The following LRFN4 variants were observed in gnomAD, a reference collection of about 807,000 sequenced individuals.
The protein encoded by LRFN4 is leucine-rich repeat and fibronectin type-III domain-containing protein 4.
A neutral mutation model predicts 29.0 loss-of-function variants in LRFN4; 10 were observed. That is an observed-to-expected ratio of 0.35 (90% confidence interval 0.21 to 0.59). The LOEUF is 0.59. Among genes scored for constraint, LRFN4 ranks in the 20% least tolerant of loss-of-function variants. LRFN4 has a pLI of 0.82. For synonymous variants in LRFN4, 493 were observed against 437.0 expected (o/e 1.13, Z -1.60); for missense variants, 850 against 907.9 (o/e 0.94, Z 0.82).
rs1433372561 is a variant in LRFN4 at position 66,860,040 on chromosome 11, T to C, written c.1753T>C (p.Ser585Pro). The change falls in exon 2 of 2, where the codon TCT (serine) becomes CCT (proline). Residue 585 changes from serine to proline, a missense_variant. Ser to Pro is a moderately conservative substitution (Grantham distance 74, BLOSUM62 -1). Transcript: ENST00000309602. ...SPPPRPQRSC[S>P]LDLGDAGCYG... ...CCCGCCCCGGCCGCAGCGCAGCTGC[T>C]CTCTGGACCTGGGAGATGCCGGGTG... 1 of 1,579,174 alleles carries C rather than the reference T, an allele frequency of 6.3e-7. No homozygotes were observed. The highest frequency in any genetic ancestry group is 8.6e-7 in the Non-Finnish European group (1 of 1,163,638).
chr11:66,858,032 G>C lies in LRFN4; in HGVS notation c.288G>C (p.Glu96Asp), dbSNP rs771101835. The C allele has an allele frequency of 9.1e-5, 146 of 1,611,712 alleles. No individual in the cohort carries two copies. Among genetic ancestry groups the C allele is most frequent in the Non-Finnish European group, 1.2e-4 (143 of 1,179,874 alleles). The change falls in exon 1 of 2, where the codon GAG (glutamate) becomes GAC (aspartate). Residue 96 changes from glutamate (E) to aspartate (D), a missense_variant. Physicochemically the swap from Glu to Asp is conservative, Grantham distance 45. Around this residue, in one of 2 missense-constraint regions of LRFN4, gnomAD observed 106 missense variants for 154.2 expected, o/e 0.69. Transcript: ENST00000309602. This position sits in a 1 kb window ranked among gnomAD's most constrained non-coding sequence, Gnocchi z 5.9. The part of the protein sequence containing the change: ...RIGARAFGDL[E>D]SLRSLHLDGN... The stretch of plus-strand genomic sequence containing the variant: ...GGGCCCGCGCCTTTGGGGACCTCGA[G>C]AGCCTGCGTTCCCTCCACCTTGACG...
rs1429744091 is a variant in LRFN4, at chr11:66,860,403, A to AC, written c.*210dup. On this transcript the variant is annotated 3_prime_UTR_variant, in exon 2 of 2. Coordinates refer to ENST00000309602, the MANE Select transcript of LRFN4 (RefSeq NM_024036.5). ...GCCCCTCCAACAGGTGCTCACAGCC[A>AC]CCGAGGCAGGGGCTGCAGCCACCCA... The AC allele has an allele frequency of 4.0e-6, 3 of 752,912 alleles. No individual in the cohort carries two copies. Among genetic ancestry groups the AC allele is most frequent in the African/African-American group, 3.4e-5 (2 of 58,242 alleles). The allele number at this position is 752,912 out of a possible 1,614,324, so 46.6% of individuals were successfully genotyped here.
intron 1 of LRFN4, 108 bp from the exon 2 acceptor site, chr11:66,859,529 G>C: frequency 6.5e-7 from 1 of 1,546,526 alleles, no homozygotes; most frequent in Non-Finnish European, 8.7e-7. Context: ...CCAAGAGCCC[G>C]AGTGGCCCCA....
In LRFN4 at chr11:66,858,520, C is replaced by T. The variant is rs1291704999; in HGVS notation, c.776C>T (p.Ser259Phe). ...CCGGACGACCTGGAAACGTGCGCCTCCCCGCCCGGCCTGGCCGGCCGCTAC... is the reference window on the plus strand; with the variant it reads ...CCGGACGACCTGGAAACGTGCGCCTTCCCGCCCGGCCTGGCCGGCCGCTAC... The part of the protein sequence containing the change: ...ARPDDLETCA[S>F]PPGLAGRYFW... The change falls in exon 1 of 2, where the codon TCC (serine) becomes TTC (phenylalanine). Residue 259 changes from serine (S) to phenylalanine (F), a missense_variant. This residue lies in a region of LRFN4 where 744 missense variants were observed against 753.8 expected (regional missense o/e 0.99). Coordinates refer to ENST00000309602, the MANE Select transcript of LRFN4 (RefSeq NM_024036.5). The surrounding 1 kb of genome is among the most constrained non-coding windows in gnomAD (Gnocchi z 5.9). 1 of 1,534,434 alleles carries T rather than the reference C, an allele frequency of 6.5e-7. No individual in the cohort carries two copies. Among genetic ancestry groups the T allele is most frequent in the African/African-American group, 1.4e-5 (1 of 73,098 alleles).
chr11:66,858,195 G>C lies in LRFN4; in HGVS notation c.451G>C (p.Asp151His). 1 of 1,612,272 alleles carries C rather than the reference G, an allele frequency of 6.2e-7. No homozygotes were observed. Among genetic ancestry groups the C allele is most frequent in the Non-Finnish European group, 8.5e-7 (1 of 1,179,756 alleles). ...DDFLESLEDL[D>H]LSYNNLRQVP... ...CTTCCTAGAGAGCCTGGAGGACCTGGACCTGTCCTACAACAACCTCCGGCA... is the reference window on the plus strand; with the variant it reads ...CTTCCTAGAGAGCCTGGAGGACCTGCACCTGTCCTACAACAACCTCCGGCA... Residue 151 changes from aspartate (D) to histidine (H), a missense_variant, in exon 1 of 2, where the codon GAC becomes CAC. Asp to His is a moderately conservative substitution (Grantham distance 81, BLOSUM62 -1). Around this residue, in one of 2 missense-constraint regions of LRFN4, gnomAD observed 744 missense variants for 753.8 expected, o/e 0.99. Transcript: ENST00000309602. This position sits in a 1 kb window ranked among gnomAD's most constrained non-coding sequence, Gnocchi z 5.9.
Position 66,860,035 on chromosome 11 carries a change from G to T in LRFN4, c.1748G>T (p.Ser583Ile), listed in dbSNP as rs775208596. 2.2e-5 allele frequency: 35 copies of T among 1,581,468 alleles called. No homozygotes were observed. Among genetic ancestry groups the T allele is most frequent in the African/African-American group, 1.3e-5 (1 of 74,104 alleles). ...PRSPPPRPQR[S>I]CSLDLGDAGC... Reference sequence around the variant, plus strand: ...AGCCCCCCGCCCCGGCCGCAGCGCAGCTGCTCTCTGGACCTGGGAGATGCC... The same window carrying T: ...AGCCCCCCGCCCCGGCCGCAGCGCATCTGCTCTCTGGACCTGGGAGATGCC... The change falls in exon 2 of 2, where the codon AGC becomes ATC. Residue 583 changes from serine (S) to isoleucine (I), a missense_variant. Around this residue, in one of 2 missense-constraint regions of LRFN4, gnomAD observed 744 missense variants for 753.8 expected, o/e 0.99. Transcript: ENST00000309602.
chr11:66,858,951 C>G lies in LRFN4; in HGVS notation c.1207C>G (p.Leu403Val), dbSNP rs2135870049. The change falls in exon 1 of 2, where the codon CTG (leucine) becomes GTG (valine). Residue 403 changes from leucine to valine, a missense_variant. Transcript: ENST00000309602. The surrounding 1 kb of genome is among the most constrained non-coding windows in gnomAD (Gnocchi z 5.9). The part of the protein sequence containing the change: ...ARTAAEGEGT[L>V]ESEPAVQVTE... ...CACTGCTGCCGAGGGTGAGGGGACG[C>G]TGGAGTCTGAGCCAGCCGTGCAGGT... 6.3e-7 allele frequency: 1 copy of G among 1,578,004 alleles called. No individual in the cohort carries two copies. The highest frequency in any genetic ancestry group is 2.3e-5 in the East Asian group (1 of 44,092).
In LRFN4 at chr11:66,860,452, A is replaced by G. The variant is rs1202657137; in HGVS notation, c.*257A>G. 1.4e-6 allele frequency: 1 copy of G among 704,728 alleles called. No individual in the cohort carries two copies. The allele number at this position is 704,728 out of a possible 1,614,324, so 43.7% of individuals were successfully genotyped here. A position where few individuals can be genotyped will look rare whatever the true frequency, so the allele number is the denominator to read the frequency against. On this transcript the variant is annotated 3_prime_UTR_variant, in exon 2 of 2. Coordinates refer to ENST00000309602, the MANE Select transcript of LRFN4 (RefSeq NM_024036.5). ...CACTGGGAGTCTTGTTTTTATTTAT[A>G]ATAAAATTGTTGGGGACACCTCAGT...
At position 66,857,786 on chromosome 11, in the gene LRFN4, G is replaced by C. The variant is rs1488026356; in HGVS notation, c.42G>C (p.Ala14=). 6.3e-7 allele frequency: 1 copy of C among 1,597,034 alleles called. No individual in the cohort carries two copies. Among genetic ancestry groups the C allele is most frequent in the Non-Finnish European group, 8.5e-7 (1 of 1,178,198 alleles). The part of the protein sequence containing the change: ...PLLLLLLASG[A]AACPLPCVCQ... ...TGCTGCTGCTGCTGGCCAGTGGAGC[G>C]GCCGCCTGCCCGCTGCCCTGCGTCT... The change falls in exon 1 of 2, where the codon GCG becomes GCC. Residue 14 remains alanine, a synonymous_variant. Coordinates refer to ENST00000309602, the MANE Select transcript of LRFN4 (RefSeq NM_024036.5). This position sits in a 1 kb window ranked among gnomAD's most constrained non-coding sequence, Gnocchi z 7.1.
chr11:66,857,100 C>T lies in LRFN4; in HGVS notation c.-645C>T, dbSNP rs1945901075. ...CCCGCTCGCCTGTCGCCGCCGCCACCGCTAACCGCGCCGGGAAAAGGTGCC... is the reference window on the plus strand; with the variant it reads ...CCCGCTCGCCTGTCGCCGCCGCCACTGCTAACCGCGCCGGGAAAAGGTGCC... On this transcript the variant is annotated 5_prime_UTR_variant, in exon 1 of 2. Transcript: ENST00000309602. The surrounding 1 kb of genome is among the most constrained non-coding windows in gnomAD (Gnocchi z 7.1). 6.8e-6 allele frequency: 1 copy of T among 147,762 alleles called. No individual in the cohort carries two copies. Among genetic ancestry groups the T allele is most frequent in the African/African-American group, 2.4e-5 (1 of 41,076 alleles). 9.2% of individuals were successfully genotyped at this position (147,762 alleles called of 1,614,324 possible). A position where few individuals can be genotyped will look rare whatever the true frequency, so the allele number is the denominator to read the frequency against.
Position 66,857,679 on chromosome 11 carries a change from C to A in LRFN4, c.-66C>A. 1 of 1,509,058 alleles carries A rather than the reference C, an allele frequency of 6.6e-7. No individual in the cohort carries two copies. The highest frequency in any genetic ancestry group is 2.3e-5 in the East Asian group (1 of 42,916). The allele number at this position is 1,509,058 out of a possible 1,614,324, so 93.5% of individuals were successfully genotyped here. A position where few individuals can be genotyped will look rare whatever the true frequency, so the allele number is the denominator to read the frequency against. ...CTGGCTTCTGGGACTGTCCTGGGCC[C>A]AAGTGGGCACCTGCGCCAGCCCCAC... On this transcript the variant is annotated 5_prime_UTR_variant, in exon 1 of 2. Transcript: ENST00000309602. This position sits in a 1 kb window ranked among gnomAD's most constrained non-coding sequence, Gnocchi z 7.1.
chr11:66,858,297 C>T lies in LRFN4; in HGVS notation c.553C>T (p.Pro185Ser), dbSNP rs754040485. ...NLDHNLIDAL[P>S]PGAFAQLGQL... The stretch of plus-strand genomic sequence containing the variant: ...GGACCATAACCTTATTGACGCACTG[C>T]CCCCAGGCGCCTTCGCCCAGCTCGG... Residue 185 changes from proline (P) to serine (S), a missense_variant, in exon 1 of 2, where the codon CCC (proline) becomes TCC (serine). Around this residue, in one of 2 missense-constraint regions of LRFN4, gnomAD observed 744 missense variants for 753.8 expected, o/e 0.99. Transcript: ENST00000309602. This position sits in a 1 kb window ranked among gnomAD's most constrained non-coding sequence, Gnocchi z 5.9. 25 of 1,610,864 alleles carry T rather than the reference C, an allele frequency of 1.6e-5. No individual in the cohort carries two copies. The highest frequency in any genetic ancestry group is 2.1e-5 in the Non-Finnish European group (25 of 1,179,854).
rs1196026942 is a variant in LRFN4, at chr11:66,860,234, T to G, written c.*39T>G. 1.3e-6 allele frequency: 2 copies of G among 1,539,056 alleles called. No homozygotes were observed. The highest frequency in any genetic ancestry group is 1.7e-6 in the Non-Finnish European group (2 of 1,146,956). On this transcript the variant is annotated 3_prime_UTR_variant, in exon 2 of 2. Coordinates refer to ENST00000309602, the MANE Select transcript of LRFN4 (RefSeq NM_024036.5). ...TCCTGTGTGCTCCAAGGGATGAGCC[T>G]CGTGGGGCAGAGGGCCCGGGGCCGC...
rs1348271221 is a variant in LRFN4 at position 66,860,125 on chromosome 11, G to A, written c.1838G>A (p.Gly613Glu). 2 of 1,550,678 alleles carry A rather than the reference G, an allele frequency of 1.3e-6. No homozygotes were observed. The highest frequency in any genetic ancestry group is 1.7e-6 in the Non-Finnish European group (2 of 1,147,652). ...AWARRSHSVH[G>E]GLLGAGCRGV... ...GCCCGACGGAGCCACTCTGTGCATG[G>A]GGGGCTGCTCGGGGCAGGGTGCCGG... Residue 613 changes from glycine (G) to glutamate (E), a missense_variant, in exon 2 of 2, where the codon GGG becomes GAG. Transcript: ENST00000309602.
At position 66,858,285 on chromosome 11, in the gene LRFN4, A is replaced by G; in HGVS notation, c.541A>G (p.Ile181Val). Residue 181 changes from isoleucine to valine, a missense_variant, in exon 1 of 2, where the codon ATT becomes GTT. Around this residue, in one of 2 missense-constraint regions of LRFN4, gnomAD observed 744 missense variants for 753.8 expected, o/e 0.99. Transcript: ENST00000309602. The surrounding 1 kb of genome is among the most constrained non-coding windows in gnomAD (Gnocchi z 5.9). Reference sequence around the variant, plus strand: ...CACCCTCAACCTGGACCATAACCTTATTGACGCACTGCCCCCAGGCGCCTT... The same window carrying G: ...CACCCTCAACCTGGACCATAACCTTGTTGACGCACTGCCCCCAGGCGCCTT... The part of the protein sequence containing the change: ...LHTLNLDHNL[I>V]DALPPGAFAQ... The G allele has an allele frequency of 6.2e-7, 1 of 1,611,702 alleles. No homozygotes were observed. Among genetic ancestry groups the G allele is most frequent in the Admixed American group, 1.7e-5 (1 of 60,014 alleles).
Position 66,858,466 on chromosome 11 carries a change from A to G in LRFN4, c.722A>G (p.Glu241Gly). 1 of 1,549,488 alleles carries G rather than the reference A, an allele frequency of 6.5e-7. No homozygotes were observed. Among genetic ancestry groups the G allele is most frequent in the Non-Finnish European group, 8.7e-7 (1 of 1,153,972 alleles). Residue 241 changes from glutamate to glycine, a missense_variant, in exon 1 of 2, where the codon GAG (glutamate) becomes GGG (glycine). Physicochemically the swap from Glu to Gly is moderately conservative, Grantham distance 98. Around this residue, in one of 2 missense-constraint regions of LRFN4, gnomAD observed 744 missense variants for 753.8 expected, o/e 0.99. Transcript: ENST00000309602. This position sits in a 1 kb window ranked among gnomAD's most constrained non-coding sequence, Gnocchi z 5.9. The part of the protein sequence containing the change: ...FSGNPLHCNC[E>G]LLWLRRLARP... ...GGGAACCCCCTGCACTGCAACTGTGAGCTGCTGTGGCTGCGGCGGCTGGCG... is the reference window on the plus strand; with the variant it reads ...GGGAACCCCCTGCACTGCAACTGTGGGCTGCTGTGGCTGCGGCGGCTGGCG...
chr11:66,857,632 C>A lies in LRFN4; in HGVS notation c.-113C>A. The A allele has an allele frequency of 4.0e-6, 5 of 1,252,932 alleles. No individual in the cohort carries two copies. The highest frequency in any genetic ancestry group is 5.4e-6 in the Non-Finnish European group (5 of 930,790). 77.6% of individuals were successfully genotyped at this position (1,252,932 alleles called of 1,614,324 possible). On this transcript the variant is annotated 5_prime_UTR_variant, in exon 1 of 2. Transcript: ENST00000309602. The surrounding 1 kb of genome is among the most constrained non-coding windows in gnomAD (Gnocchi z 7.1). Reference sequence around the variant, plus strand: ...CTCTTGGGCCTCTGACCCAGCCCCTCCCCGGGCCAGGCTCACAGAAGCTGG... The same window carrying A: ...CTCTTGGGCCTCTGACCCAGCCCCTACCCGGGCCAGGCTCACAGAAGCTGG...
In LRFN4 at chr11:66,859,086, A is replaced by G. The variant is rs144355365; in HGVS notation, c.1342A>G (p.Ile448Val). The part of the protein sequence containing the change: ...QYNSSEDETL[I>V]YRIVPASSHH... The stretch of plus-strand genomic sequence containing the variant: ...CAACAGCAGCGAAGATGAGACCCTC[A>G]TCTACCGGTGAGGATGCGTGCCCCA... The change falls in exon 1 of 2, where the codon ATC (isoleucine) becomes GTC (valine). Residue 448 changes from isoleucine (I) to valine (V), a missense_variant. Physicochemically the swap from Ile to Val is conservative, Grantham distance 29 (BLOSUM62 3). Transcript: ENST00000309602. The G allele has an allele frequency of 9.4e-6, 14 of 1,486,892 alleles. No homozygotes were observed. The highest frequency in any genetic ancestry group is 7.2e-5 in the African/African-American group (5 of 69,902). The allele number at this position is 1,486,892 out of a possible 1,614,324, so 92.1% of individuals were successfully genotyped here.
chr11:66,857,682 G>C lies in LRFN4; in HGVS notation c.-63G>C. 2.6e-6 allele frequency: 4 copies of C among 1,512,738 alleles called. No individual in the cohort carries two copies. The highest frequency in any genetic ancestry group is 2.7e-6 in the Non-Finnish European group (3 of 1,131,096). 93.7% of individuals were successfully genotyped at this position (1,512,738 alleles called of 1,614,324 possible). On this transcript the variant is annotated 5_prime_UTR_variant, in exon 1 of 2. Coordinates refer to ENST00000309602, the MANE Select transcript of LRFN4 (RefSeq NM_024036.5). The surrounding 1 kb of genome is among the most constrained non-coding windows in gnomAD (Gnocchi z 7.1). ...GCTTCTGGGACTGTCCTGGGCCCAA[G>C]TGGGCACCTGCGCCAGCCCCACCTG...
Sources: allele counts gnomAD v4.1 joint callset, GRCh38; gene constraint gnomAD v4.1.1; regional missense constraint gnomAD v4.1.1; non-coding constraint Gnocchi (gnomAD v3.1); transcripts MANE v1.5; gene names NCBI Gene and HGNC (gene_info 2026-07-23, HGNC 2026-07-21).